The following PDE1C variants were observed in gnomAD, a reference collection of about 807,000 sequenced individuals.
The protein encoded by PDE1C is phosphodiesterase 1C, also known as dual specificity calcium/calmodulin-dependent 3',5'-cyclic nucleotide phosphodiesterase 1C.
PDE1C carries 62 observed loss-of-function variants against 93.1 expected under a neutral mutation model. That is an observed-to-expected ratio of 0.67 (90% CI 0.54 to 0.82). The LOEUF is 0.82. PDE1C is among the 40% of genes least tolerant of loss of function. The pLI, the probability that PDE1C is intolerant of heterozygous loss-of-function variation, is 0.00. For synonymous variants in PDE1C, 325 were observed against 310.1 expected, an observed-to-expected ratio of 1.05 and a Z score of -0.50; for missense variants, 742 against 884.6, an observed-to-expected ratio of 0.84 and a Z score of 2.04.
rs1554314008 is a variant in PDE1C, at chr7:32,374,256, G to GAAGGAAGAAAGA, written c.310+53565_310+53566insTCTTTCTTCCTT. Among the ~76,000 whole-genome samples the GAAGGAAGAAAGA allele has an allele frequency of 1.4e-4, 16 of 113,250 alleles. No individual in the cohort carries two copies. In the East Asian group the frequency reaches 3.8e-3, roughly 27 times the overall value. The allele number at this position is 113,250 out of a possible 152,430, so 74.3% of individuals were successfully genotyped here. A position where few individuals can be genotyped will look rare whatever the true frequency, so the allele number is the denominator to read the frequency against. ...AAAGAAAGAAGGAAGGAAAGGAAAG[G>GAAGGAAGAAAGA]AAGAAAGAAAGAAAGAAAGAAAGAA... On this transcript the variant is annotated intron_variant, in intron 1 of 1. Coordinates refer to the PDE1C transcript ENST00000672256.
At chr7:32,209,288 C>T (rs1052852865) in intron 2 of PDE1C, among the ~76,000 whole-genome samples, 8 of 152,186 alleles carry the variant, frequency 5.3e-5, no homozygotes, top group Non-Finnish European at 1.2e-4. Context: ...TTGGAAACCA[C>T]AGTTCTAAGG....
At chr7:32,189,421 C>T (rs1179940122) in intron 2 of PDE1C, among the ~76,000 whole-genome samples, 2 of 152,074 alleles carry the variant, frequency 1.3e-5, no homozygotes, top group African/African-American at 2.4e-5. Flanking sequence ...ACACTGCCTC[C>T]CCCAAAATTA....
At chr7:31,677,013 A>G in the PDE1C span, among the ~76,000 whole-genome samples, 9 of 152,210 alleles carry the variant, frequency 5.9e-5, no homozygotes, top group Non-Finnish European at 1.0e-4. Context: ...TTCTATGCTC[A>G]CCTTAATTGT....
At chr7:31,826,495 C>CT (rs1268460724) in intron 12 of PDE1C, among the ~76,000 whole-genome samples, 1 of 151,848 alleles carries the variant, frequency 6.6e-6, no homozygotes, top group Non-Finnish European at 1.5e-5. Context: ...CCATTTTTGC[C>CT]TTTTTTTTCC....
At chr7:31,661,113 C>CA in the PDE1C span, among the ~76,000 whole-genome samples, 148,961 of 152,202 alleles carry the variant, frequency 0.98, 72,900 homozygotes, top group East Asian at 1. Flanking sequence ...TTCAGTACCA[C>CA]AGAGAGGTAT....
Position 32,319,855 on chromosome 7 carries a change from A to G in PDE1C, c.310+107967T>C, listed in dbSNP as rs192212275. On this transcript the variant is annotated intron_variant, in intron 1 of 1. Transcript: ENST00000672256. ...GATAGTGTGTAATTGCACCTATTTC[A>G]TGTTGACTAAAAGTATTTTCCCTCT... Among the ~76,000 whole-genome samples the G allele has an allele frequency of 3.1e-3, 478 of 152,328 alleles. 1 individual carries two copies. Among genetic ancestry groups the G allele is most frequent in the African/African-American group, 0.011 (459 of 41,570 alleles).
intron 9 of PDE1C, among the ~76,000 whole-genome samples, chr7:31,845,806 A>T (rs1205671295): frequency 6.6e-6 from 1 of 151,986 alleles, no homozygotes; most frequent in Non-Finnish European, 1.5e-5. Context: ...GCCTGACCAA[A>T]ATGGTGAAAC....
upstream of PDE1C, chr7:32,070,787 T>G (rs1436965917): frequency 3.0e-6 from 3 of 1,000,814 alleles, no homozygotes; most frequent in Non-Finnish European, 2.4e-6. Context: ...GGTTTGGAGG[T>G]GAAAAGGAGG....
intron 16 of PDE1C, among the ~76,000 whole-genome samples, chr7:31,808,703 A>G (rs191602532): frequency 2.0e-5 from 3 of 152,164 alleles, no homozygotes; most frequent in East Asian, 1.9e-4. Context: ...TAAATACATT[A>G]GCAGTATATG....
At chr7:31,892,774 A>G (rs1425027460) in intron 2 of PDE1C, among the ~76,000 whole-genome samples, 1 of 152,152 alleles carries the variant, frequency 6.6e-6, no homozygotes, top group African/African-American at 2.4e-5. Flanking sequence ...TGAACAGGGA[A>G]AGGAGAGATG....
chr7:31,622,140 CCACA>C, the PDE1C span, among the ~76,000 whole-genome samples: 1 of 135,798 alleles, frequency 7.4e-6, no homozygotes. Flanking sequence ...ACTTAGACTC[CCACA>C]CATTAATAAT....
At chr7:32,278,498 G>C (rs1393963929) in intron 1 of PDE1C, among the ~76,000 whole-genome samples, 1 of 152,184 alleles carries the variant, frequency 6.6e-6, no homozygotes, top group African/African-American at 2.4e-5. Context: ...AAATCCATTA[G>C]AAGAGATTCA....
intron 9 of PDE1C, among the ~76,000 whole-genome samples, chr7:31,844,352 C>T (rs1442876543): frequency 6.6e-6 from 1 of 151,684 alleles, no homozygotes; most frequent in Non-Finnish European, 1.5e-5. Context: ...ATTAGTGACA[C>T]ATTCCTGTTG....
rs1793470064 is a variant in PDE1C, at chr7:31,852,497, C to T, written c.751-1756G>A. Reference sequence around the variant, plus strand: ...ACCCCTTGTAAAGGCAGCAAAGAGCCTCCTCATCAGCCTCTTCATTGTCTC... The same window carrying T: ...ACCCCTTGTAAAGGCAGCAAAGAGCTTCCTCATCAGCCTCTTCATTGTCTC... On this transcript the variant is annotated intron_variant, in intron 7 of 17. Transcript: ENST00000396191. Among the ~76,000 whole-genome samples, 3 of 152,168 alleles carry T rather than the reference C, an allele frequency of 2.0e-5. No individual in the cohort carries two copies. In the South Asian group the frequency reaches 6.2e-4, roughly 32 times the overall value.
intron 1 of PDE1C, among the ~76,000 whole-genome samples, chr7:32,290,785 G>A (rs1283697386): frequency 6.6e-6 from 1 of 152,146 alleles, no homozygotes. Context: ...ATGGATCCAT[G>A]AAGAACAACC....
chr7:31,697,040 T>A, the PDE1C span: 1 of 1,614,190 alleles, frequency 6.2e-7, no homozygotes, highest in Non-Finnish European at 8.5e-7. Context: ...ATCCCTGTTC[T>A]TCATAACACT....
chr7:31,996,584 C>A (rs1784756576), intron 2 of PDE1C, among the ~76,000 whole-genome samples: 1 of 152,092 alleles, frequency 6.6e-6, no homozygotes, highest in East Asian at 1.9e-4. Flanking sequence ...GGGCTGGGAG[C>A]CTCAAGGGGC....
At chr7:31,739,150 G>T in the PDE1C span, among the ~76,000 whole-genome samples, 4 of 151,026 alleles carry the variant, frequency 2.6e-5, no homozygotes, top group Non-Finnish European at 4.4e-5. Flanking sequence ...AACTCTGGAA[G>T]ATTTCCTGTT....
At chr7:31,901,497 A>C (rs1277993551) in intron 2 of PDE1C, among the ~76,000 whole-genome samples, 3 of 151,366 alleles carry the variant, frequency 2.0e-5, no homozygotes, top group Non-Finnish European at 4.4e-5. Flanking sequence ...TATTGAAGAA[A>C]GTGAGATCCA....
Sources: allele counts gnomAD v4.1 joint callset (sites outside exome capture counted in the v4.1 genomes callset), GRCh38; gene constraint gnomAD v4.1.1; transcripts MANE v1.5; gene names NCBI Gene and HGNC (gene_info 2026-07-23, HGNC 2026-07-21).